Variants in PCDHGA4 observed in about 807,000 individuals in gnomAD.
The protein encoded by PCDHGA4 is protocadherin gamma subfamily A, 4.
A neutral mutation model predicts 54.6 loss-of-function variants in PCDHGA4; 38 were observed. That is an observed-to-expected ratio of 0.70 (90% CI 0.54 to 0.91). The LOEUF (loss-of-function observed/expected upper bound fraction) is 0.91, where lower values mean the gene tolerates loss of function less well. Among genes scored for constraint, PCDHGA4 ranks in the 40% least tolerant of loss-of-function variants. The probability of loss-of-function intolerance (pLI) is 0.00; values close to 1 mark genes in which losing one functional copy is unlikely to be tolerated. For missense variants in PCDHGA4, 1,298 were observed against 1,220.9 expected, an observed-to-expected ratio of 1.06 and a Z score of -0.94; for synonymous variants, 511 against 512.9, an observed-to-expected ratio of 1.00 and a Z score of 0.05.
Position 141,432,014 on chromosome 5 carries a change from AACATC to A in PCDHGA4, c.2515-62789_2515-62785del. ...GGATAGGGAACAGGTTCCTAGCTAC[AACATC>A]ACAGTGACCGCCACTGACCGGGGAA... On this transcript the variant is annotated intron_variant, in intron 1 of 3. Transcript: ENST00000571252. This position sits in a 1 kb window ranked among gnomAD's most constrained non-coding sequence, Gnocchi z 6.0. 6.2e-7 allele frequency: 1 copy of A among 1,614,078 alleles called. No individual in the cohort carries two copies. The highest frequency in any genetic ancestry group is 8.5e-7 in the Non-Finnish European group (1 of 1,180,036).
chr5:141,422,605 G>A (rs2096658595), intron 1 of PCDHGA4: 1 of 1,613,898 alleles, frequency 6.2e-7, no homozygotes, highest in Non-Finnish European at 8.5e-7. Flanking sequence ...CTCTTACTCT[G>A]CCTACATTCC....
intron 1 of PCDHGA4, chr5:141,441,971 G>T: frequency 3.3e-6 from 1 of 298,820 alleles, no homozygotes; most frequent in Non-Finnish European, 6.5e-6. Context: ...AGGCTCTTCA[G>T]CCTGGAATGC....
intron 1 of PCDHGA4, chr5:141,395,373 G>C: frequency 8.4e-7 from 1 of 1,189,414 alleles, no homozygotes; most frequent in Non-Finnish European, 1.1e-6. Context: ...TATTTTGGTG[G>C]TGTTACTATA....
In PCDHGA4 at chr5:141,356,611, A is replaced by C. The variant is rs1425598072; in HGVS notation, c.1504A>C (p.Ile502Leu). The change falls in exon 1 of 4, where the codon ATC becomes CTC. Residue 502 changes from isoleucine to leucine, a missense_variant. Ile to Leu is a conservative substitution (Grantham distance 5, BLOSUM62 2). Transcript: ENST00000571252. ...IPENNPRGAS[I>L]LSMTAQDPDS... The stretch of plus-strand genomic sequence containing the variant: ...TGAAAACAACCCCAGAGGAGCCTCC[A>C]TCTTATCTATGACTGCTCAAGACCC... The C allele has an allele frequency of 2.5e-6, 4 of 1,614,158 alleles. No homozygotes were observed. Among genetic ancestry groups the C allele is most frequent in the Non-Finnish European group, 3.4e-6 (4 of 1,180,022 alleles).
At chr5:141,406,255 A>G (rs1456869005) in intron 1 of PCDHGA4, among the ~76,000 whole-genome samples, 1 of 151,948 alleles carries the variant, frequency 6.6e-6, no homozygotes, top group Admixed American at 6.5e-5. Context: ...ACTGGTCTCA[A>G]ACGATCTTCC....
rs1279890312 is a variant in PCDHGA4, at chr5:141,432,403, G to C, written c.2515-62404G>C. On this transcript the variant is annotated intron_variant, in intron 1 of 3. Transcript: ENST00000571252. This position sits in a 1 kb window ranked among gnomAD's most constrained non-coding sequence, Gnocchi z 6.0. ...CGCCCCTCAGCAGCAACGTGTCGTT[G>C]AGCCTGTTCGTGCTGGACCAGAACG... 1.9e-6 allele frequency: 3 copies of C among 1,614,242 alleles called. No homozygotes were observed. Among genetic ancestry groups the C allele is most frequent in the Non-Finnish European group, 8.5e-7 (1 of 1,180,052 alleles).
intron 1 of PCDHGA4, chr5:141,399,834 G>C (rs375768001): frequency 2.4e-5 from 39 of 1,613,004 alleles, no homozygotes; most frequent in Non-Finnish European, 2.9e-5. Flanking sequence ...ACGGCTCTGC[G>C]CTCTTCGATA....
Position 141,490,911 on chromosome 5 carries a change from G to C in PCDHGA4, c.2515-3896G>C. On this transcript the variant is annotated intron_variant, in intron 1 of 3. Coordinates refer to ENST00000571252, the MANE Select transcript of PCDHGA4 (RefSeq NM_018917.4). The surrounding 1 kb of genome is among the most constrained non-coding windows in gnomAD (Gnocchi z 5.4). ...CTCTGCATGTGTTTGTCCTAGACGA[G>C]AATGATAATGCCCCAGCTGTGCTGC... is the stretch of plus-strand genomic sequence containing the variant. The C allele has an allele frequency of 6.2e-7, 1 of 1,613,722 alleles. No homozygotes were observed. Among genetic ancestry groups the C allele is most frequent in the East Asian group, 2.2e-5 (1 of 44,870 alleles).
intron 1 of PCDHGA4, chr5:141,471,433 T>C (rs2099257619): frequency 6.6e-6 from 1 of 152,162 alleles, no homozygotes; most frequent in African/African-American, 2.4e-5. Flanking sequence ...GGAAAGTGTA[T>C]AATCTCATGT....
intron 1 of PCDHGA4, chr5:141,393,452 GGCCTCGGATGGCGGCAAGCC>G: frequency 6.2e-7 from 1 of 1,614,030 alleles, no homozygotes; most frequent in Admixed American, 1.7e-5. Context: ...TGGTCCTCAC[GGCCTCGGATGGCGGCAAGCC>G]GCCTCGCTCT....
intron 1 of PCDHGA4, among the ~76,000 whole-genome samples, chr5:141,368,919 AG>A (rs1297427818): frequency 1.3e-5 from 2 of 152,176 alleles, no homozygotes; most frequent in Non-Finnish European, 2.9e-5. Flanking sequence ...GGTGACAATG[AG>A]TGTCTGTCTA....
chr5:141,369,142 G>A (rs1302830150), intron 1 of PCDHGA4, among the ~76,000 whole-genome samples: 1 of 152,140 alleles, frequency 6.6e-6, no homozygotes, highest in Non-Finnish European at 1.5e-5. Context: ...ATGGAAAATG[G>A]CATGTTATTG....
chr5:141,365,178 A>G, intron 1 of PCDHGA4: 2 of 1,613,928 alleles, frequency 1.2e-6, no homozygotes, highest in Non-Finnish European at 1.7e-6. Flanking sequence ...TCTTTTCGCA[A>G]TGAAGAAGAA....
At chr5:141,360,987 G>T in intron 1 of PCDHGA4, 1 of 1,613,592 alleles carries the variant, frequency 6.2e-7, no homozygotes, top group South Asian at 1.1e-5. Flanking sequence ...TTCATAATGT[G>T]GACGAACAAG....
At chr5:141,484,499 A>G (rs567556335) in intron 1 of PCDHGA4, among the ~76,000 whole-genome samples, 20 of 152,344 alleles carry the variant, frequency 1.3e-4, no homozygotes, top group African/African-American at 4.6e-4. Flanking sequence ...CCGTTTCTGA[A>G]TATTCTGCAG....
At position 141,356,586 on chromosome 5, in the gene PCDHGA4, T is replaced by A. The variant is rs898846586; in HGVS notation, c.1479T>A (p.Pro493=). 1 of 1,614,176 alleles carries A rather than the reference T, an allele frequency of 6.2e-7. No individual in the cohort carries two copies. Among genetic ancestry groups the A allele is most frequent in the Non-Finnish European group, 8.5e-7 (1 of 1,180,022 alleles). ...FPHASYSAYI[P]ENNPRGASIL... is the part of the protein sequence containing the mutation. ...ATGCTTCCTACTCTGCTTACATTCC[T>A]GAAAACAACCCCAGAGGAGCCTCCA... The change falls in exon 1 of 4, where the codon CCT becomes CCA. Residue 493 remains proline (P), a synonymous_variant. Transcript: ENST00000571252.
intron 1 of PCDHGA4, chr5:141,392,779 T>A: frequency 6.5e-7 from 1 of 1,534,720 alleles, no homozygotes; most frequent in Non-Finnish European, 8.8e-7. Flanking sequence ...TTATGCACAG[T>A]GAAGATTCTG....
At chr5:141,506,191 C>T (rs932500250) in intron 3 of PCDHGA4, among the ~76,000 whole-genome samples, 8 of 152,182 alleles carry the variant, frequency 5.3e-5, no homozygotes, top group African/African-American at 1.9e-4. Flanking sequence ...TGGCTCACGC[C>T]TGTAATCCCA....
intron 1 of PCDHGA4, chr5:141,415,929 T>C: frequency 1.6e-6 from 1 of 629,678 alleles, no homozygotes; most frequent in African/African-American, 1.9e-5. Context: ...TGTCAATTTA[T>C]ATTTCCTCCT....
Sources: allele counts gnomAD v4.1 joint callset (sites outside exome capture counted in the v4.1 genomes callset), GRCh38; gene constraint gnomAD v4.1.1; non-coding constraint Gnocchi (gnomAD v3.1); transcripts MANE v1.5; gene names NCBI Gene and HGNC (gene_info 2026-07-23, HGNC 2026-07-21).